Variants in SAMD4B observed in about 807,000 individuals in gnomAD.
SAMD4B encodes the protein sterile alpha motif domain containing 4B, also known as protein Smaug homolog 2.
SAMD4B carries 5 observed loss-of-function variants against 74.5 expected under a neutral mutation model. That is an observed-to-expected ratio of 0.07 (90% CI 0.04 to 0.14). SAMD4B has a LOEUF of 0.14. SAMD4B is among the 10% of genes least tolerant of loss of function. The pLI is 1.00. For synonymous variants in SAMD4B, 373 were observed against 374.9 expected (o/e 1.00, Z 0.06); for missense variants, 608 against 921.8 (o/e 0.66, Z 4.41).
Position 39,364,519 on chromosome 19 carries a change from G to A in SAMD4B, c.197-5136G>A, listed in dbSNP as rs75564508. Among the ~76,000 whole-genome samples the A allele has an allele frequency of 1.8e-3, 270 of 152,310 alleles. 3 individuals are homozygous for A. Among genetic ancestry groups the A allele is most frequent in the African/African-American group, 6.3e-3 (260 of 41,562 alleles). On this transcript the variant is annotated intron_variant, in intron 3 of 13. Transcript: ENST00000610417. ...GAGGAAGCATACTGCCCAGGCCACTGTGTGTTTTTGACTGGGGTGCATATC... is the reference window on the plus strand; with the variant it reads ...GAGGAAGCATACTGCCCAGGCCACTATGTGTTTTTGACTGGGGTGCATATC...
In SAMD4B at chr19:39,354,908, T is replaced by A. The variant is rs542126423; in HGVS notation, c.-206+842T>A. Among the ~76,000 whole-genome samples the A allele has an allele frequency of 1.3e-4, 20 of 152,326 alleles. No individual in the cohort carries two copies. The South Asian group carries it at 3.9e-3, about 30-fold the overall frequency. On this transcript the variant is annotated intron_variant, in intron 2 of 13. Coordinates refer to ENST00000610417, the MANE Select transcript of SAMD4B (RefSeq NM_001384574.2). ...CTTTTTTTCTGAGGCAGAGTTTCCC[T>A]GTCACCCAGGCTGGAGTGCAGTGGC...
In SAMD4B at chr19:39,383,180, C is replaced by A. The variant is rs762823304; in HGVS notation, c.1973-28C>A. On this transcript the variant is annotated intron_variant, in intron 12 of 13. Transcript: ENST00000610417. The surrounding 1 kb of genome is among the most constrained non-coding windows in gnomAD (Gnocchi z 4.1). Reference sequence around the variant, plus strand: ...TCACCTGAGTCCAGTTGGTCCTTACCACCCCCATTCTCCTCTCTCCCACCC... The same window carrying A: ...TCACCTGAGTCCAGTTGGTCCTTACAACCCCCATTCTCCTCTCTCCCACCC... 5.0e-6 allele frequency: 8 copies of A among 1,599,762 alleles called. No individual in the cohort carries two copies. Among genetic ancestry groups the A allele is most frequent in the Admixed American group, 3.3e-5 (2 of 59,986 alleles).
intron 1 of SAMD4B, among the ~76,000 whole-genome samples, chr19:39,346,921 T>G (rs2075736213): frequency 6.6e-6 from 1 of 152,110 alleles, no homozygotes; most frequent in Non-Finnish European, 1.5e-5. Flanking sequence ...TTAAATAAGT[T>G]AATACATGTA....
At chr19:39,350,457 T>G (rs1420635333) in intron 1 of SAMD4B, 1 of 152,262 alleles carries the variant, frequency 6.6e-6, no homozygotes, top group Admixed American at 6.5e-5. Flanking sequence ...CAGAGGGCAG[T>G]TTGTCCTGGA....
intron 1 of SAMD4B, among the ~76,000 whole-genome samples, chr19:39,343,236 G>A (rs771413964): frequency 5.9e-4 from 84 of 142,020 alleles, no homozygotes; most frequent in Non-Finnish European, 1.0e-3. Flanking sequence ...TCCCCCTCCC[G>A]GATCCTAAGA....
downstream of SAMD4B, among the ~76,000 whole-genome samples, chr19:39,387,602 G>A (rs372577111): frequency 1.5e-3 from 230 of 152,264 alleles, no homozygotes; most frequent in Admixed American, 4.6e-3. Flanking sequence ...GCTTTAAACA[G>A]AAACTCAAGA....
chr19:39,386,317 C>T, downstream of SAMD4B: 1 of 1,614,222 alleles, frequency 6.2e-7, no homozygotes, highest in Non-Finnish European at 8.5e-7. The surrounding 1 kb of genome is among the most constrained non-coding windows in gnomAD (Gnocchi z 6.1). Context: ...TCGTCCCTGT[C>T]ACCTTCCTCC....
downstream of SAMD4B, chr19:39,390,188 G>C (rs1453203519): frequency 6.2e-7 from 1 of 1,611,512 alleles, no homozygotes; most frequent in Non-Finnish European, 8.5e-7. Context: ...CTCAAAAGTG[G>C]GCCCCCGCTG....
intron 4 of SAMD4B, among the ~76,000 whole-genome samples, chr19:39,371,591 C>T (rs2077300026): frequency 6.6e-6 from 1 of 152,084 alleles, no homozygotes; most frequent in Non-Finnish European, 1.5e-5. Context: ...CCGAGGCAGG[C>T]AGATCACCTG....
At chr19:39,360,935 G>C (rs1201908880) in intron 3 of SAMD4B, among the ~76,000 whole-genome samples, 2 of 152,116 alleles carry the variant, frequency 1.3e-5, no homozygotes, top group African/African-American at 4.8e-5. Flanking sequence ...GAGAGGTGAT[G>C]CCCTGCTGGA....
chr19:39,356,130 A>G (rs984217860), intron 2 of SAMD4B, among the ~76,000 whole-genome samples: 2 of 152,098 alleles, frequency 1.3e-5, no homozygotes, highest in African/African-American at 4.8e-5. Context: ...CATACCTGAG[A>G]TCTCCACCAG....
At chr19:39,361,286 C>G (rs1600540228) in intron 3 of SAMD4B, among the ~76,000 whole-genome samples, 1 of 152,274 alleles carries the variant, frequency 6.6e-6, no homozygotes. Flanking sequence ...ACTCCACAAA[C>G]CAACTCTTGA....
chr19:39,373,917 T>C (rs978356905), intron 4 of SAMD4B, among the ~76,000 whole-genome samples: 1 of 151,254 alleles, frequency 6.6e-6, no homozygotes, highest in African/African-American at 2.4e-5. Flanking sequence ...TGAGCCGAGA[T>C]TGTGCCACTG....
chr19:39,381,224 C>T (rs369963964), intron 12 of SAMD4B, 111 bp downstream of exon 12: 3 of 1,301,830 alleles, frequency 2.3e-6, no homozygotes. Flanking sequence ...GGCACCTCTC[C>T]CCATACCTCA....
chr19:39,379,662 C>G (rs1298133610), intron 9 of SAMD4B, among the ~76,000 whole-genome samples: 2 of 152,168 alleles, frequency 1.3e-5, no homozygotes, highest in African/African-American at 4.8e-5. Flanking sequence ...CCTCCGCCTC[C>G]CAGGTTCAAG....
rs900257381 is a variant in SAMD4B at position 39,383,719 on chromosome 19, G to T, written c.*192G>T. The T allele has an allele frequency of 6.5e-7, 1 of 1,536,916 alleles. No homozygotes were observed. Among genetic ancestry groups the T allele is most frequent in the African/African-American group, 1.4e-5 (1 of 73,150 alleles). On this transcript the variant is annotated 3_prime_UTR_variant, in exon 14 of 14. Coordinates refer to ENST00000610417, the MANE Select transcript of SAMD4B (RefSeq NM_001384574.2). This position sits in a 1 kb window ranked among gnomAD's most constrained non-coding sequence, Gnocchi z 4.1. The stretch of plus-strand genomic sequence containing the variant: ...TTGCTCACTCCCAGGCCCGTCGAGG[G>T]ATCTCTGCTGAGGCCCGGGGAGTTG...
In SAMD4B at chr19:39,375,703, C is replaced by G. The variant is rs748285656; in HGVS notation, c.721C>G (p.Pro241Ala). The change falls in exon 5 of 14, where the codon CCT becomes GCT. Residue 241 changes from proline (P) to alanine (A), a missense_variant. Physicochemically the swap from Pro to Ala is conservative, Grantham distance 27 (BLOSUM62 -1). Transcript: ENST00000610417. The surrounding 1 kb of genome is among the most constrained non-coding windows in gnomAD (Gnocchi z 4.1). ...ACTGAAGCGCTCCATGTCACTCATC[C>G]CTACAAGCCCCCAGGTCCCTGGTGA... ...SPLKRSMSLI[P>A]TSPQVPGEWP... 2 of 1,613,810 alleles carry G rather than the reference C, an allele frequency of 1.2e-6. No individual in the cohort carries two copies. Among genetic ancestry groups the G allele is most frequent in the Non-Finnish European group, 1.7e-6 (2 of 1,179,850 alleles).
chr19:39,386,855 C>A, downstream of SAMD4B: 1 of 1,171,892 alleles, frequency 8.5e-7, no homozygotes, highest in Non-Finnish European at 1.3e-6. The surrounding 1 kb of genome is among the most constrained non-coding windows in gnomAD (Gnocchi z 6.1). Flanking sequence ...AGACACACCT[C>A]CCACTTCCCC....
rs1394851898 is a variant in SAMD4B at position 39,385,536 on chromosome 19, T to C, written c.*2009T>C. On this transcript the variant is annotated 3_prime_UTR_variant, in exon 14 of 14. Coordinates refer to ENST00000610417, the MANE Select transcript of SAMD4B (RefSeq NM_001384574.2). ...CCCCTCCCCAGGCCCTCCTCCATGA[T>C]TTCACCCTCCCTACCCACTTCTGTC... 2 of 474,370 alleles carry C rather than the reference T, an allele frequency of 4.2e-6. No homozygotes were observed. Among genetic ancestry groups the C allele is most frequent in the Non-Finnish European group, 7.4e-6 (2 of 271,988 alleles). 29.4% of individuals were successfully genotyped at this position (474,370 alleles called of 1,614,324 possible).
Sources: gnomAD v4.1 joint callset for allele counts (sites outside exome capture counted in the v4.1 genomes callset) on GRCh38, gnomAD v4.1.1 for gene constraint, Gnocchi (gnomAD v3.1) non-coding constraint, MANE v1.5 for transcripts, NCBI Gene and HGNC (gene_info 2026-07-23, HGNC 2026-07-21) for gene names.